DAB1: variants seen among roughly 807,000 people sequenced by gnomAD.
The protein encoded by DAB1 is disabled homolog 1.
Under a neutral mutation model 64.6 loss-of-function variants are expected in DAB1, and 15 were observed. The observed-to-expected ratio is 0.23, with a 90% CI of 0.16 to 0.36. The LOEUF (loss-of-function observed/expected upper bound fraction) is 0.36, where lower values mean the gene tolerates loss of function less well. Among genes scored for constraint, DAB1 ranks in the 10% least tolerant of loss-of-function variants. DAB1 has a pLI of 1.00. For missense variants in DAB1, 596 were observed against 706.7 expected, an observed-to-expected ratio of 0.84 and a Z score of 1.78; for synonymous variants, 235 against 251.9, an observed-to-expected ratio of 0.93 and a Z score of 0.64.
In DAB1 at chr1:58,047,983, T is replaced by C. The variant is rs1290334537; in HGVS notation, n.387+102528A>G. On this transcript the variant is annotated intron_variant and non_coding_transcript_variant, in intron 5 of 20. Coordinates refer to the DAB1 transcript ENST00000485760. ...ACAGAACAGCAACTAAAATAACCTG[T>C]TATACAATTAGTCACAAATATAGTC... is the stretch of plus-strand genomic sequence containing the variant. 28 of 556,378 alleles carry C rather than the reference T, an allele frequency of 5.0e-5. 1 individual carries two copies. The Admixed American group carries it at 7.6e-4, about 15-fold the overall frequency. The allele number at this position is 556,378 out of a possible 1,614,324, so 34.5% of individuals were successfully genotyped here.
intron 2 of DAB1, among the ~76,000 whole-genome samples, chr1:57,270,897 C>A (rs1222789502): frequency 6.6e-6 from 1 of 152,128 alleles, no homozygotes; most frequent in African/African-American, 2.4e-5. Context: ...CCTGAGCCAC[C>A]CCCACAACCC....
intron 6 of DAB1, among the ~76,000 whole-genome samples, chr1:57,659,255 C>A (rs1400926030): frequency 6.6e-6 from 1 of 152,108 alleles, no homozygotes; most frequent in Non-Finnish European, 1.5e-5. Flanking sequence ...GCAGAGCACA[C>A]CAGTAAGTTG....
intron 2 of DAB1, among the ~76,000 whole-genome samples, chr1:57,179,981 TG>T (rs1445693467): frequency 6.6e-6 from 1 of 152,034 alleles, no homozygotes; most frequent in Non-Finnish European, 1.5e-5. Context: ...TTTTCCGGGA[TG>T]AAAAAAAGGA....
chr1:57,410,042 G>C (rs1326259332), intron 1 of DAB1, among the ~76,000 whole-genome samples: 1 of 152,132 alleles, frequency 6.6e-6, no homozygotes, highest in South Asian at 2.1e-4. Context: ...CCTTTTTGTT[G>C]TTGATTTCGT....
chr1:58,492,333 C>T (rs934984680), intron 3 of DAB1, among the ~76,000 whole-genome samples: 7 of 151,706 alleles, frequency 4.6e-5, no homozygotes, highest in African/African-American at 1.5e-4. Context: ...AAATTGACAC[C>T]CTAACATCAC....
rs867122897 is a variant in DAB1 at position 58,219,797 on chromosome 1, A to G, written n.310-69209T>C. 1.3e-4 allele frequency among the ~76,000 whole-genome samples: 20 copies of G among 152,336 alleles called. No individual in the cohort carries two copies. In the South Asian group the frequency reaches 2.5e-3, roughly 19 times the overall value. ...TCTGCACTTCACCTCCATTGCACACATCACAATTGTAATTGATTAGCTGTG... is the reference window on the plus strand; with the variant it reads ...TCTGCACTTCACCTCCATTGCACACGTCACAATTGTAATTGATTAGCTGTG... On this transcript the variant is annotated intron_variant and non_coding_transcript_variant, in intron 4 of 20. Coordinates refer to the DAB1 transcript ENST00000485760.
chr1:57,518,411 C>A (rs1644487558), intron 7 of DAB1, among the ~76,000 whole-genome samples: 1 of 152,104 alleles, frequency 6.6e-6, no homozygotes, highest in African/African-American at 2.4e-5. Flanking sequence ...CTTCTCTGAC[C>A]ATGCTAGCTA....
intron 1 of DAB1, chr1:58,539,116 C>T: frequency 1.1e-6 from 1 of 872,954 alleles, no homozygotes; most frequent in East Asian, 2.4e-5. Flanking sequence ...AAAACTCCAC[C>T]TGTCACACTG....
chr1:57,338,167 T>C (rs1336156562), intron 1 of DAB1, among the ~76,000 whole-genome samples: 1 of 152,070 alleles, frequency 6.6e-6, no homozygotes, highest in Non-Finnish European at 1.5e-5. Flanking sequence ...GCATTTTTAG[T>C]AGAGATGAGG....
chr1:57,270,386 TA>T (rs1670901227), intron 2 of DAB1, among the ~76,000 whole-genome samples: 1 of 152,160 alleles, frequency 6.6e-6, no homozygotes, highest in Non-Finnish European at 1.5e-5. Flanking sequence ...CTCCATTAAT[TA>T]AAAAGTTGCT....
intron 7 of DAB1, among the ~76,000 whole-genome samples, chr1:57,589,148 G>C (rs1182206184): frequency 2.0e-5 from 3 of 152,062 alleles, no homozygotes; most frequent in Non-Finnish European, 2.9e-5. Context: ...GAACCTGGGG[G>C]TGTGGAGGTT....
chr1:57,605,982 C>A, intron 7 of DAB1: 1 of 675,894 alleles, frequency 1.5e-6, no homozygotes, highest in Non-Finnish European at 2.8e-6. Context: ...GACCTCATGT[C>A]TTAGAACCTT....
At chr1:57,512,121 T>C (rs1283723233) in intron 7 of DAB1, among the ~76,000 whole-genome samples, 1 of 152,172 alleles carries the variant, frequency 6.6e-6, no homozygotes, top group Non-Finnish European at 1.5e-5. Flanking sequence ...GAAAATAAGA[T>C]GAAACTGGGA....
intron 4 of DAB1, among the ~76,000 whole-genome samples, chr1:58,167,899 A>G (rs1655949972): frequency 6.6e-6 from 1 of 152,240 alleles, no homozygotes; most frequent in Non-Finnish European, 1.5e-5. Context: ...TGGACACACC[A>G]ACTTTAAGAA....
intron 6 of DAB1, among the ~76,000 whole-genome samples, chr1:57,813,623 A>G (rs1457434594): frequency 6.6e-6 from 1 of 152,204 alleles, no homozygotes; most frequent in Non-Finnish European, 1.5e-5. Context: ...TTTCAGGTAG[A>G]GTTGACGTTG....
At chr1:57,751,881 C>T (rs1173569895) in intron 6 of DAB1, among the ~76,000 whole-genome samples, 2 of 150,116 alleles carry the variant, frequency 1.3e-5, no homozygotes, top group East Asian at 3.9e-4. Context: ...CTGTTTCCTC[C>T]CTGGAGAATT....
intron 6 of DAB1, among the ~76,000 whole-genome samples, chr1:57,797,285 C>T (rs556299023): frequency 6.8e-4 from 103 of 152,322 alleles, no homozygotes; most frequent in African/African-American, 2.4e-3. Context: ...ATGCTAAGAA[C>T]TAGGTCCCTT....
Position 57,198,714 on chromosome 1 carries a change from A to G in DAB1, c.68-53285T>C, listed in dbSNP as rs111502583. Among the ~76,000 whole-genome samples, 11 of 150,726 alleles carry G rather than the reference A, an allele frequency of 7.3e-5. No homozygotes were observed. In the East Asian group the frequency reaches 2.0e-3, roughly 27 times the overall value. ...ACCCATCAACTTTTCCTGGGAGAGT[A>G]AAAAAAGGTTTCCAGAGGAAGTGAC... On this transcript the variant is annotated intron_variant, in intron 2 of 14. Transcript: ENST00000371236.
At chr1:57,413,743 CAAAAAAAAA>C (rs58388088) in intron 1 of DAB1, among the ~76,000 whole-genome samples, 7 of 64,512 alleles carry the variant, frequency 1.1e-4, no homozygotes, top group African/African-American at 2.5e-4. Flanking sequence ...GACTCTGTCT[CAAAAAAAAA>C]AAAAAAAAAA....
Sources: allele counts gnomAD v4.1 joint callset (sites outside exome capture counted in the v4.1 genomes callset), GRCh38; gene constraint gnomAD v4.1.1; transcripts MANE v1.5; gene names NCBI Gene and HGNC (gene_info 2026-07-23, HGNC 2026-07-21).